The following MAGI2 variants were observed in gnomAD, a reference collection of about 807,000 sequenced individuals.
MAGI2 encodes the protein membrane associated guanylate kinase, WW and PDZ domain containing 2, also known as membrane-associated guanylate kinase, WW and PDZ domain-containing protein 2.
A neutral mutation model predicts 133.3 loss-of-function variants in MAGI2; 35 were observed. The ratio of observed to expected loss-of-function variants is 0.26; its 90% CI spans 0.20 to 0.35. The LOEUF (loss-of-function observed/expected upper bound fraction) is 0.35, where lower values mean the gene tolerates loss of function less well. Ranked by LOEUF, MAGI2 falls within the 10% of genes least tolerant of loss-of-function variation. The pLI, the probability that MAGI2 is intolerant of heterozygous loss-of-function variation, is 1.00. For missense variants in MAGI2, 1,636 were observed against 1,863.4 expected (o/e 0.88, Z 2.25); for synonymous variants, 729 against 710.6 (o/e 1.03, Z -0.41).
chr7:78,706,028 C>T (rs1818605206), intron 2 of MAGI2, among the ~76,000 whole-genome samples: 1 of 151,920 alleles, frequency 6.6e-6, no homozygotes, highest in South Asian at 2.1e-4. Flanking sequence ...ATATTGAAAA[C>T]CTGAAGTTTC....
intron 1 of MAGI2, among the ~76,000 whole-genome samples, chr7:79,158,889 A>C (rs932240667): frequency 1.1e-4 from 17 of 152,080 alleles, no homozygotes; most frequent in African/African-American, 3.9e-4. Flanking sequence ...TTTCCAATTT[A>C]AAAGTTATAG....
At chr7:78,291,792 A>C (rs183625391) in intron 9 of MAGI2, among the ~76,000 whole-genome samples, 2 of 152,330 alleles carry the variant, frequency 1.3e-5, no homozygotes, top group East Asian at 3.9e-4. Context: ...GCAAATCAAT[A>C]AATGTAATTC....
At chr7:78,217,860 G>T (rs1788423508) in intron 10 of MAGI2, among the ~76,000 whole-genome samples, 1 of 152,226 alleles carries the variant, frequency 6.6e-6, no homozygotes, top group South Asian at 2.1e-4. Flanking sequence ...GCCAGCAATA[G>T]TGACCACTTG....
chr7:79,356,246 C>A (rs953427316), intron 1 of MAGI2, among the ~76,000 whole-genome samples: 2 of 152,042 alleles, frequency 1.3e-5, no homozygotes, highest in African/African-American at 4.8e-5. Context: ...GAACTTCAAA[C>A]AATCATTAGT....
At chr7:78,875,165 G>A (rs1042345489) in intron 2 of MAGI2, among the ~76,000 whole-genome samples, 2 of 151,996 alleles carry the variant, frequency 1.3e-5, no homozygotes, top group Admixed American at 6.6e-5. Context: ...GGACAGCTGG[G>A]GCAAAGAAAA....
intron 4 of MAGI2, 139 bp downstream of exon 4, chr7:78,521,291 C>T: frequency 2.0e-6 from 1 of 508,806 alleles, no homozygotes; most frequent in Non-Finnish European, 3.4e-6. Context: ...CACGTGAACA[C>T]ACAGATGTAA....
chr7:78,324,944 C>T (rs547044718), intron 9 of MAGI2, among the ~76,000 whole-genome samples: 7 of 151,884 alleles, frequency 4.6e-5, no homozygotes, highest in East Asian at 1.9e-4. Flanking sequence ...CCAGCCTGGG[C>T]GACAAGAGCA....
At chr7:79,289,759 A>G (rs2129558645) in intron 1 of MAGI2, among the ~76,000 whole-genome samples, 1 of 152,284 alleles carries the variant, frequency 6.6e-6, no homozygotes, top group African/African-American at 2.4e-5. Context: ...AGAGCAGGAA[A>G]TCTGATTTCC....
chr7:78,218,962 G>A (rs554412222), intron 10 of MAGI2, among the ~76,000 whole-genome samples: 3 of 152,226 alleles, frequency 2.0e-5, no homozygotes, highest in African/African-American at 7.2e-5. Flanking sequence ...TTCTGTCCTC[G>A]TCTACCTCCC....
At chr7:78,137,188 T>C (rs1434088703) in intron 16 of MAGI2, among the ~76,000 whole-genome samples, 1 of 152,212 alleles carries the variant, frequency 6.6e-6, no homozygotes, top group Admixed American at 6.5e-5. Context: ...CCCCCTTTCA[T>C]GTTCAACAGT....
chr7:78,154,435 A>C (rs147348639), intron 16 of MAGI2, among the ~76,000 whole-genome samples: 304 of 152,362 alleles, frequency 2.0e-3, no homozygotes, highest in Non-Finnish European at 3.3e-3. Context: ...TAGGGACAGA[A>C]GATGAAATCA....
chr7:78,365,298 G>A (rs1012470466), intron 7 of MAGI2, among the ~76,000 whole-genome samples: 7 of 152,008 alleles, frequency 4.6e-5, no homozygotes, highest in African/African-American at 1.7e-4. Flanking sequence ...ACGACAGGGA[G>A]GCCAGGGAGG....
Position 79,036,003 on chromosome 7 carries a change from T to C in MAGI2, c.302-28797A>G, listed in dbSNP as rs990709020. ...GTGAGAGAACATGACATTGATAACA[T>C]ACAGATATGCGCAAAGCACTCACAG... is the stretch of plus-strand genomic sequence containing the variant. On this transcript the variant is annotated intron_variant, in intron 1 of 21. Coordinates refer to ENST00000354212, the MANE Select transcript of MAGI2 (RefSeq NM_012301.4). Among the ~76,000 whole-genome samples, 3 of 152,290 alleles carry C rather than the reference T, an allele frequency of 2.0e-5. No individual in the cohort carries two copies. In the East Asian group the frequency reaches 5.8e-4, roughly 29 times the overall value.
chr7:79,206,582 C>T (rs1829078154), intron 1 of MAGI2, among the ~76,000 whole-genome samples: 2 of 151,742 alleles, frequency 1.3e-5, no homozygotes, highest in South Asian at 4.1e-4. Flanking sequence ...AATAAAAAAT[C>T]GGTTATCAAA....
At chr7:78,934,742 T>C (rs1800393968) in intron 2 of MAGI2, among the ~76,000 whole-genome samples, 1 of 152,128 alleles carries the variant, frequency 6.6e-6, no homozygotes, top group South Asian at 2.1e-4. Context: ...TATTCCACAA[T>C]CTGAAAAAAT....
intron 2 of MAGI2, among the ~76,000 whole-genome samples, chr7:78,693,685 G>A (rs1293872419): frequency 1.3e-5 from 2 of 152,110 alleles, no homozygotes; most frequent in South Asian, 2.1e-4. Context: ...CCCAAATAAT[G>A]AGCCAGGATG....
At chr7:78,469,431 T>G (rs1163558384) in intron 6 of MAGI2, among the ~76,000 whole-genome samples, 3 of 152,310 alleles carry the variant, frequency 2.0e-5, no homozygotes, top group African/African-American at 7.2e-5. Context: ...ATCATGTTTC[T>G]TTAGTCAAGA....
intron 3 of MAGI2, among the ~76,000 whole-genome samples, chr7:78,522,513 G>A (rs1413453486): frequency 6.6e-6 from 1 of 152,104 alleles, no homozygotes; most frequent in African/African-American, 2.4e-5. Context: ...TGGAGTAGCT[G>A]GGACTACAGG....
Position 78,760,797 on chromosome 7 carries a change from G to T in MAGI2, c.419-133558C>A, listed in dbSNP as rs117139293. 1.9e-3 allele frequency among the ~76,000 whole-genome samples: 289 copies of T among 152,216 alleles called. 1 individual carries two copies. Among genetic ancestry groups the T allele is most frequent in the Non-Finnish European group, 3.8e-3 (260 of 68,010 alleles). On this transcript the variant is annotated intron_variant, in intron 2 of 21. Transcript: ENST00000354212. ...TAGCTTGTCCTCTTGAACTCAGCTG[G>T]CAGGAAGTCAAACAAACTGAAATCC...
Sources: allele counts gnomAD v4.1 joint callset (sites outside exome capture counted in the v4.1 genomes callset), GRCh38; gene constraint gnomAD v4.1.1; transcripts MANE v1.5; gene names NCBI Gene and HGNC (gene_info 2026-07-23, HGNC 2026-07-21).